ITM2B: variants seen among roughly 807,000 people sequenced by gnomAD.
The protein encoded by ITM2B is ABri/ADan amyloid peptide.
ITM2B carries 11 observed loss-of-function variants against 27.8 expected under a neutral mutation model. The observed-to-expected ratio is 0.40, with a 90% CI of 0.25 to 0.66. The LOEUF is 0.66. Ranked by LOEUF, ITM2B falls within the 30% of genes least tolerant of loss-of-function variation. The pLI, the probability that ITM2B is intolerant of heterozygous loss-of-function variation, is 0.43. For missense variants in ITM2B, 296 were observed against 328.9 expected (o/e 0.90, Z 0.77); for synonymous variants, 114 against 114.3 (o/e 1.00, Z 0.02).
intron 1 of ITM2B, among the ~76,000 whole-genome samples, chr13:48,236,906 G>C (rs1387671490): frequency 6.6e-6 from 1 of 152,180 alleles, no homozygotes; most frequent in East Asian, 1.9e-4. Flanking sequence ...TAAAAGGAGA[G>C]AGAAAAGTAA....
intron 2 of ITM2B, 104 bp downstream of exon 2, chr13:48,254,040 A>G: frequency 1.8e-6 from 2 of 1,092,610 alleles, no homozygotes; most frequent in Admixed American, 1.9e-5. Context: ...TGTACTTTTT[A>G]TCTGTGACCT....
rs1951854951 is a variant in ITM2B at position 48,266,624 on chromosome 13, GCAGA to G, written c.*5403_*5406del. 1 of 151,994 alleles carries G rather than the reference GCAGA, an allele frequency of 6.6e-6. No homozygotes were observed. Among genetic ancestry groups the G allele is most frequent in the Non-Finnish European group, 1.5e-5 (1 of 67,986 alleles). 9.4% of individuals were successfully genotyped at this position (151,994 alleles called of 1,614,324 possible). On this transcript the variant is annotated 3_prime_UTR_variant, in exon 6 of 6. Transcript: ENST00000647800. ...CTAAAACCAAAGGGGGTTTTTTTGGGCAGACAATCTTCATTATTCAGATGGAAAT... is the reference window on the plus strand; with the variant it reads ...CTAAAACCAAAGGGGGTTTTTTTGGGCAATCTTCATTATTCAGATGGAAAT...
intron 2 of ITM2B, among the ~76,000 whole-genome samples, chr13:48,254,208 A>G (rs1049068405): frequency 5.3e-4 from 80 of 152,146 alleles, no homozygotes; most frequent in Non-Finnish European, 1.9e-4. Flanking sequence ...ACTAACCTTT[A>G]TTTTCCTACT....
In ITM2B at chr13:48,261,509, C is replaced by T. The variant is rs9332306; in HGVS notation, c.*285C>T. On this transcript the variant is annotated 3_prime_UTR_variant, in exon 6 of 6. Transcript: ENST00000647800. ...ATTACAATTTCTTTAAATCATTTAT[C>T]TGGATTTTTATGTTTTATTAGCATT... The T allele has an allele frequency of 4.3e-3, 1,076 of 251,466 alleles. 15 individuals carry two copies. Among genetic ancestry groups the T allele is most frequent in the African/African-American group, 0.023 (1,005 of 44,068 alleles). The allele number at this position is 251,466 out of a possible 1,614,324, so 15.6% of individuals were successfully genotyped here.
chr13:48,249,891 C>T (rs539628134), intron 1 of ITM2B, among the ~76,000 whole-genome samples: 7 of 152,130 alleles, frequency 4.6e-5, no homozygotes, highest in Middle Eastern at 3.4e-3. Flanking sequence ...TTAAATCTCA[C>T]GTGGCTTTTT....
At chr13:48,235,946 C>G (rs1180507816) in intron 1 of ITM2B, among the ~76,000 whole-genome samples, 10 of 152,242 alleles carry the variant, frequency 6.6e-5, no homozygotes. Context: ...TCTGATCACT[C>G]TAATCAGCTG....
At position 48,240,642 on chromosome 13, in the gene ITM2B, G is replaced by A. The variant is rs146319402; in HGVS notation, c.117+7165G>A. Among the ~76,000 whole-genome samples, 753 of 152,260 alleles carry A rather than the reference G, an allele frequency of 4.9e-3. 9 individuals are homozygous for A. The highest frequency in any genetic ancestry group is 0.023 in the South Asian group (111 of 4,824). On this transcript the variant is annotated intron_variant, in intron 1 of 5. Coordinates refer to ENST00000647800, the MANE Select transcript of ITM2B (RefSeq NM_021999.5). ...ACCCTTAGGATTCAGTAGCTGTACC[G>A]ATTTCATTTAAAAATGTTATTTATT...
chr13:48,250,803 T>C (rs1951751537), intron 1 of ITM2B, among the ~76,000 whole-genome samples: 1 of 152,078 alleles, frequency 6.6e-6, no homozygotes, highest in Admixed American at 6.5e-5. Context: ...GAAAGAAAAG[T>C]GATAATTAGG....
chr13:48,243,768 G>T (rs1256852066), intron 1 of ITM2B, among the ~76,000 whole-genome samples: 1 of 151,922 alleles, frequency 6.6e-6, no homozygotes, highest in Non-Finnish European at 1.5e-5. Context: ...AGTGAGCCGT[G>T]ATTGCACTAT....
chr13:48,249,131 A>C (rs1401414086), intron 1 of ITM2B, among the ~76,000 whole-genome samples: 1 of 152,194 alleles, frequency 6.6e-6, no homozygotes, highest in Non-Finnish European at 1.5e-5. Context: ...CCATCACCCA[A>C]GTAATTAGTT....
At chr13:48,234,407 A>G (rs541689543) in intron 1 of ITM2B, among the ~76,000 whole-genome samples, 54 of 152,306 alleles carry the variant, frequency 3.5e-4, no homozygotes, top group African/African-American at 1.3e-3. Flanking sequence ...TTTAGGCTGC[A>G]AAAATTAGAA....
chr13:48,256,502 A>G (rs886908143), intron 3 of ITM2B, 119 bp downstream of exon 3: 1 of 827,916 alleles, frequency 1.2e-6, no homozygotes, highest in South Asian at 1.5e-5. Context: ...ATAAACTGTC[A>G]GCATTTGGTG....
At chr13:48,234,121 A>G (rs756805564) in intron 1 of ITM2B, among the ~76,000 whole-genome samples, 14 of 152,252 alleles carry the variant, frequency 9.2e-5, no homozygotes, top group Admixed American at 3.3e-4. Context: ...AGTAATGACT[A>G]TGTGGATGTT....
rs966768132 is a variant in ITM2B, at chr13:48,265,453, C to T, written c.*4229C>T. 3 of 152,296 alleles carry T rather than the reference C, an allele frequency of 2.0e-5. No individual in the cohort carries two copies. Among genetic ancestry groups the T allele is most frequent in the African/African-American group, 7.2e-5 (3 of 41,402 alleles). 9.4% of individuals were successfully genotyped at this position (152,296 alleles called of 1,614,324 possible). A position where few individuals can be genotyped will look rare whatever the true frequency, so the allele number is the denominator to read the frequency against. Reference sequence around the variant, plus strand: ...CTCCTAGCAGCTTCCTGCTGTTCTGCTCTAGTGGTTCTCTCTGCTTCCCCA... The same window carrying T: ...CTCCTAGCAGCTTCCTGCTGTTCTGTTCTAGTGGTTCTCTCTGCTTCCCCA... On this transcript the variant is annotated 3_prime_UTR_variant, in exon 6 of 6. Coordinates refer to ENST00000647800, the MANE Select transcript of ITM2B (RefSeq NM_021999.5).
intron 4 of ITM2B, 90 bp downstream of exon 4, chr13:48,258,326 T>G: frequency 1.3e-6 from 1 of 775,820 alleles, no homozygotes; most frequent in Non-Finnish European, 2.4e-6. Flanking sequence ...GGAGCCCATT[T>G]TATCAGACTG....
chr13:48,250,161 C>T (rs1263688773), intron 1 of ITM2B, among the ~76,000 whole-genome samples: 1 of 152,150 alleles, frequency 6.6e-6, no homozygotes, highest in East Asian at 1.9e-4. Context: ...AATAGCAAGC[C>T]TTACTTAATA....
intron 1 of ITM2B, among the ~76,000 whole-genome samples, chr13:48,245,757 T>A (rs186438971): frequency 2.0e-5 from 3 of 152,162 alleles, no homozygotes; most frequent in Non-Finnish European, 2.9e-5. Flanking sequence ...GAATCTGTTT[T>A]ATAGACCTTG....
chr13:48,269,123 C>G lies in ITM2B; in HGVS notation c.*7899C>G, dbSNP rs1163368611. 6.6e-6 allele frequency: 1 copy of G among 152,148 alleles called. No homozygotes were observed. The highest frequency in any genetic ancestry group is 1.5e-5 in the Non-Finnish European group (1 of 68,022). The allele number at this position is 152,148 out of a possible 1,614,324, so 9.4% of individuals were successfully genotyped here. A position where few individuals can be genotyped will look rare whatever the true frequency, so the allele number is the denominator to read the frequency against. On this transcript the variant is annotated 3_prime_UTR_variant, in exon 6 of 6. Coordinates refer to ENST00000647800, the MANE Select transcript of ITM2B (RefSeq NM_021999.5). ...GATTTTCCTCCCATGGTTTCCTCATCTCAGCTCCTTTTTTTTTCCAGTTGC... is the reference window on the plus strand; with the variant it reads ...GATTTTCCTCCCATGGTTTCCTCATGTCAGCTCCTTTTTTTTTCCAGTTGC...
intron 1 of ITM2B, among the ~76,000 whole-genome samples, chr13:48,246,295 C>G (rs1169496668): frequency 6.6e-6 from 1 of 152,224 alleles, no homozygotes; most frequent in Non-Finnish European, 1.5e-5. Context: ...ATGCCAGACA[C>G]TAGGAAAACT....
Sources: allele counts gnomAD v4.1 joint callset (sites outside exome capture counted in the v4.1 genomes callset), GRCh38; gene constraint gnomAD v4.1.1; transcripts MANE v1.5; gene names NCBI Gene and HGNC (gene_info 2026-07-23, HGNC 2026-07-21).